The following GRIP1 variants were observed in gnomAD, a reference collection of about 807,000 sequenced individuals.
GRIP1 encodes glutamate receptor-interacting protein 1.
In GRIP1, 45 loss-of-function variants were observed where a neutral mutation model predicts 129.9. That is an observed-to-expected ratio of 0.35 (90% confidence interval 0.27 to 0.44). The LOEUF is 0.44. GRIP1 is among the 20% of genes least tolerant of loss of function. GRIP1 has a pLI of 1.00. For missense variants in GRIP1, 1,196 were observed against 1,396.8 expected (o/e 0.86, Z 2.29); for synonymous variants, 530 against 520.8 (o/e 1.02, Z -0.24).
At chr12:67,041,407 A>G (rs1436752564) in intron 1 of GRIP1, among the ~76,000 whole-genome samples, 2 of 152,114 alleles carry the variant, frequency 1.3e-5, no homozygotes, top group East Asian at 1.9e-4. Context: ...GAGAGAGAGA[A>G]GAGAGAGAGA....
At position 67,057,204 on chromosome 12, in the gene GRIP1, A is replaced by C. The variant is rs566128486; in HGVS notation, c.58+11846T>G. Among the ~76,000 whole-genome samples, 18 of 152,280 alleles carry C rather than the reference A, an allele frequency of 1.2e-4. No homozygotes were observed. In the South Asian group the frequency reaches 3.7e-3, roughly 32 times the overall value. ...ATTTGGAGATTAAAGGTCTCTAAGG[A>C]AGTAATGAGGGCTAAATGAAGTCAT... On this transcript the variant is annotated intron_variant, in intron 1 of 1. Coordinates refer to the GRIP1 transcript ENST00000643019.
chr12:66,447,335 C>T (rs2058659421), intron 11 of GRIP1, among the ~76,000 whole-genome samples: 1 of 152,208 alleles, frequency 6.6e-6, no homozygotes, highest in Non-Finnish European at 1.5e-5. Flanking sequence ...TACTAAGTTG[C>T]TGAAGGGTGC....
At chr12:66,762,849 C>T (rs2037517530) in intron 1 of GRIP1, among the ~76,000 whole-genome samples, 1 of 152,146 alleles carries the variant, frequency 6.6e-6, no homozygotes, top group Admixed American at 6.5e-5. Context: ...TGGGGATTGG[C>T]TTTATTAAAA....
intron 19 of GRIP1, among the ~76,000 whole-genome samples, chr12:66,380,245 T>G (rs1354404808): frequency 6.6e-6 from 1 of 152,118 alleles, no homozygotes; most frequent in East Asian, 1.9e-4. Context: ...GGCCCTGGGA[T>G]ATAAACTCCT....
At chr12:66,638,895 A>T (rs2031662723) in intron 1 of GRIP1, among the ~76,000 whole-genome samples, 1 of 152,222 alleles carries the variant, frequency 6.6e-6, no homozygotes, top group Admixed American at 6.5e-5. Flanking sequence ...AATACTCAAC[A>T]GCTCTGTGCC....
In GRIP1 at chr12:66,713,108, C is replaced by T. The variant is rs1204828298; in HGVS notation, c.-419-82772G>A. On this transcript the variant is annotated intron_variant, in intron 1 of 4. Coordinates refer to the GRIP1 transcript ENST00000538373. ...ACAGACCAGCAGACTATTTTTCTTC[C>T]ACTAAAATAACCTAATATCCTTCCA... Among the ~76,000 whole-genome samples the T allele has an allele frequency of 1.3e-5, 2 of 151,958 alleles. 1 individual carries two copies. Among genetic ancestry groups the T allele is most frequent in the South Asian group, 4.2e-4 (2 of 4,818 alleles).
chr12:66,869,045 T>C (rs1320366830), intron 1 of GRIP1, among the ~76,000 whole-genome samples: 4 of 152,108 alleles, frequency 2.6e-5, no homozygotes, highest in African/African-American at 7.2e-5. Context: ...AGACACACCA[T>C]AGAAACTCTG....
intron 1 of GRIP1, among the ~76,000 whole-genome samples, chr12:66,801,137 C>G (rs2136913463): frequency 6.6e-6 from 1 of 152,122 alleles, no homozygotes; most frequent in Non-Finnish European, 1.5e-5. Flanking sequence ...CAATATAGTT[C>G]TATAACTGGG....
intron 1 of GRIP1, among the ~76,000 whole-genome samples, chr12:66,645,277 C>G (rs1424695530): frequency 6.6e-6 from 1 of 152,174 alleles, no homozygotes; most frequent in Non-Finnish European, 1.5e-5. Context: ...GTAAGCAGCT[C>G]TTCTCATATC....
chr12:66,456,715 A>G (rs2058976808), intron 9 of GRIP1, among the ~76,000 whole-genome samples: 1 of 152,208 alleles, frequency 6.6e-6, no homozygotes, highest in East Asian at 1.9e-4. Flanking sequence ...ATTAGTAATT[A>G]AAGATTTGCA....
At chr12:67,014,875 G>A (rs1019014240) in intron 1 of GRIP1, among the ~76,000 whole-genome samples, 1 of 151,946 alleles carries the variant, frequency 6.6e-6, no homozygotes, top group Non-Finnish European at 1.5e-5. Flanking sequence ...TAAGAACTGA[G>A]TCATCAAAAA....
rs567262164 is a variant in GRIP1, at chr12:66,544,337, A to G, written c.137-2387T>C. On this transcript the variant is annotated intron_variant, in intron 2 of 24. Transcript: ENST00000359742. ...ACGTATTGAATGCCTACTCTGAGCC[A>G]GACAATAAAACTCAAAGATGGAAAA... Among the ~76,000 whole-genome samples, 10 of 152,276 alleles carry G rather than the reference A, an allele frequency of 6.6e-5. No individual in the cohort carries two copies. The South Asian group carries it at 2.1e-3, about 32-fold the overall frequency.
intron 4 of GRIP1, among the ~76,000 whole-genome samples, chr12:66,532,773 TCACCACCACCAC>T (rs368400767): frequency 6.6e-6 from 1 of 151,466 alleles, no homozygotes; most frequent in Non-Finnish European, 1.5e-5. Context: ...CTCCTCCACT[TCACCACCACCAC>T]CACCACCACC....
intron 1 of GRIP1, among the ~76,000 whole-genome samples, chr12:66,622,424 A>G (rs1489345304): frequency 6.6e-6 from 1 of 152,100 alleles, no homozygotes; most frequent in Non-Finnish European, 1.5e-5. Context: ...AAGGAAATAT[A>G]TTTGGATTGT....
chr12:66,545,032 CTCAATTAAGAGGACCTTG>C (rs2061906096), intron 2 of GRIP1, among the ~76,000 whole-genome samples: 1 of 152,038 alleles, frequency 6.6e-6, no homozygotes, highest in Admixed American at 6.6e-5. Context: ...ATATCACTCC[CTCAATTAAGAGGACCTTG>C]TAGGGAGCAC....
intron 9 of GRIP1, 129 bp downstream of exon 9, chr12:66,462,795 C>G: frequency 1.6e-6 from 1 of 619,874 alleles, no homozygotes; most frequent in Non-Finnish European, 2.8e-6. Context: ...GAGTGAGACT[C>G]CATCTCAAAA....
chr12:66,723,242 TCCTTCCTTC>T (rs2036128852), intron 1 of GRIP1, among the ~76,000 whole-genome samples: 6 of 57,322 alleles, frequency 1.0e-4, no homozygotes, highest in African/African-American at 5.3e-4. Flanking sequence ...CTCTCTCTCT[TCCTTCCTTC>T]CTTCCTTCCT....
intron 1 of GRIP1, among the ~76,000 whole-genome samples, chr12:66,948,770 CT>C (rs2041710037): frequency 6.6e-6 from 1 of 152,156 alleles, no homozygotes; most frequent in Non-Finnish European, 1.5e-5. Flanking sequence ...GGAAAGACCC[CT>C]ATAGAGATTC....
chr12:66,649,088 T>C (rs892967544), intron 1 of GRIP1, among the ~76,000 whole-genome samples: 3 of 152,188 alleles, frequency 2.0e-5, no homozygotes, highest in Non-Finnish European at 4.4e-5. Flanking sequence ...GAGGACCATA[T>C]GCAATAGCTT....
Sources: gnomAD v4.1 joint callset for allele counts (sites outside exome capture counted in the v4.1 genomes callset) on GRCh38, gnomAD v4.1.1 for gene constraint, MANE v1.5 for transcripts, NCBI Gene and HGNC (gene_info 2026-07-23, HGNC 2026-07-21) for gene names.